The following CYRIA variants were observed in gnomAD, a reference collection of about 807,000 sequenced individuals.
CYRIA encodes the protein CYFIP-related Rac1 interactor A.
Under a neutral mutation model 43.9 loss-of-function variants are expected in CYRIA, and 15 were observed. The ratio of observed to expected loss-of-function variants is 0.34; its 90% CI spans 0.23 to 0.53. The LOEUF (loss-of-function observed/expected upper bound fraction) is 0.53. CYRIA is among the 20% of genes least tolerant of loss of function. CYRIA has a pLI of 0.94. For synonymous variants in CYRIA, 117 were observed against 136.0 expected (o/e 0.86, Z 0.97); for missense variants, 236 against 394.2 (o/e 0.60, Z 3.40).
chr2:16,613,486 T>C (rs1668673133), intron 2 of CYRIA, among the ~76,000 whole-genome samples: 1 of 152,264 alleles, frequency 6.6e-6, no homozygotes, highest in Admixed American at 6.5e-5. Flanking sequence ...CACTCGATGC[T>C]ATGCTAAGCG....
At chr2:16,577,210 AT>A (rs1293179728) in intron 3 of CYRIA, among the ~76,000 whole-genome samples, 1 of 152,172 alleles carries the variant, frequency 6.6e-6, no homozygotes, top group Non-Finnish European at 1.5e-5. Flanking sequence ...AATCCAATAT[AT>A]TTTGTGAATT....
In CYRIA at chr2:16,588,037, T is replaced by A; in HGVS notation, c.70+13A>T. ...GTAAAAAAGTTTCCATTATTATAAT[T>A]TTTGGAACTTACTTTCAAAATCCAG... On this transcript the variant is annotated intron_variant, in intron 3 of 11. Coordinates refer to ENST00000381323, the MANE Select transcript of CYRIA (RefSeq NM_030797.4). The A allele has an allele frequency of 6.4e-7, 1 of 1,562,944 alleles. No individual in the cohort carries two copies.
chr2:16,664,195 C>A (rs1670334189), intron 1 of CYRIA, among the ~76,000 whole-genome samples: 1 of 152,166 alleles, frequency 6.6e-6, no homozygotes, highest in South Asian at 2.1e-4. Context: ...CTTCCCAGAG[C>A]CAGAGCCCAG....
At chr2:16,566,490 T>C (rs549078846) in intron 3 of CYRIA, among the ~76,000 whole-genome samples, 3 of 152,218 alleles carry the variant, frequency 2.0e-5, no homozygotes, top group Admixed American at 2.0e-4. Flanking sequence ...CCTGAACACA[T>C]GGGTATGTAG....
rs75873472 is a variant in CYRIA at position 16,647,712 on chromosome 2, T to C, written c.-167+18068A>G. On this transcript the variant is annotated intron_variant, in intron 1 of 11. Transcript: ENST00000381323. ...CATCTTGGGCTCTCCCCACTTTCTT[T>C]CTCCTCTGCCTTGTACAGTCCACAT... Among the ~76,000 whole-genome samples the C allele has an allele frequency of 5.7e-3, 873 of 152,252 alleles. 7 individuals carry two copies. Among genetic ancestry groups the C allele is most frequent in the African/African-American group, 0.02 (835 of 41,524 alleles).
chr2:16,584,219 A>G (rs1452618172), intron 3 of CYRIA, among the ~76,000 whole-genome samples: 1 of 152,044 alleles, frequency 6.6e-6, no homozygotes, highest in Admixed American at 6.6e-5. Context: ...TTCAAGCTTC[A>G]TTCTTCTTGA....
intron 1 of CYRIA, among the ~76,000 whole-genome samples, chr2:16,659,307 C>T (rs1276230597): frequency 6.6e-6 from 1 of 152,184 alleles, no homozygotes; most frequent in African/African-American, 2.4e-5. Context: ...GTTTCAGATA[C>T]CAGCTATGCC....
chr2:16,621,265 G>A (rs765595417), intron 2 of CYRIA, among the ~76,000 whole-genome samples: 7 of 152,182 alleles, frequency 4.6e-5, no homozygotes, highest in Non-Finnish European at 1.5e-5. Context: ...TGACCTGTGG[G>A]AGGTTCCAGT....
chr2:16,643,578 C>T (rs897053643), intron 1 of CYRIA, among the ~76,000 whole-genome samples: 3 of 152,306 alleles, frequency 2.0e-5, no homozygotes, highest in East Asian at 1.9e-4. Flanking sequence ...ATTGTGTACA[C>T]GTTCCCTCTT....
At chr2:16,578,304 A>G (rs529370490) in intron 3 of CYRIA, among the ~76,000 whole-genome samples, 1 of 152,300 alleles carries the variant, frequency 6.6e-6, no homozygotes, top group Admixed American at 6.5e-5. Flanking sequence ...TATTATTCAC[A>G]TCAGTCATCA....
intron 4 of CYRIA, among the ~76,000 whole-genome samples, chr2:16,564,611 C>T (rs1666862978): frequency 6.6e-6 from 1 of 151,950 alleles, no homozygotes; most frequent in African/African-American, 2.4e-5. Flanking sequence ...AGGATTATGA[C>T]GGTGGTGGTG....
intron 3 of CYRIA, among the ~76,000 whole-genome samples, chr2:16,577,323 TA>T (rs1572473518): frequency 1.3e-5 from 2 of 152,258 alleles, no homozygotes; most frequent in East Asian, 3.9e-4. Context: ...AAAATAATGT[TA>T]ATTTAGATAT....
intron 2 of CYRIA, among the ~76,000 whole-genome samples, chr2:16,590,641 C>G (rs1667898909): frequency 6.6e-6 from 1 of 152,086 alleles, no homozygotes; most frequent in Non-Finnish European, 1.5e-5. Flanking sequence ...GGAATTCTGT[C>G]TCTTCAAAAG....
At chr2:16,583,258 T>C (rs1466288302) in intron 3 of CYRIA, among the ~76,000 whole-genome samples, 1 of 152,204 alleles carries the variant, frequency 6.6e-6, no homozygotes, top group African/African-American at 2.4e-5. Context: ...ATGCAGAGAT[T>C]TGAATCTACC....
intron 2 of CYRIA, among the ~76,000 whole-genome samples, chr2:16,606,958 G>C (rs996249472): frequency 2.0e-5 from 3 of 151,124 alleles, no homozygotes; most frequent in African/African-American, 7.3e-5. Flanking sequence ...TGTTGGTACC[G>C]AAACAAAAAA....
chr2:16,614,132 A>G (rs1330772918), intron 2 of CYRIA, among the ~76,000 whole-genome samples: 3 of 152,244 alleles, frequency 2.0e-5, no homozygotes, highest in African/African-American at 7.2e-5. Flanking sequence ...ACCCCCACTT[A>G]AAATTATATT....
At chr2:16,576,125 A>G (rs780276762) in intron 3 of CYRIA, among the ~76,000 whole-genome samples, 6 of 152,182 alleles carry the variant, frequency 3.9e-5, no homozygotes, top group Admixed American at 6.5e-5. Context: ...TTAAGTGCCA[A>G]TGATGCCAGA....
In CYRIA at chr2:16,648,548, G is replaced by T. The variant is rs147128739; in HGVS notation, c.-167+17232C>A. 1.3e-4 allele frequency among the ~76,000 whole-genome samples: 20 copies of T among 152,332 alleles called. No homozygotes were observed. The East Asian group carries it at 3.5e-3, about 26-fold the overall frequency. ...AATTTCAGCAAAAGGCTTTGTGGAT[G>T]TGATTACACTTGAATTTAAGAAATA... On this transcript the variant is annotated intron_variant, in intron 1 of 11. Coordinates refer to ENST00000381323, the MANE Select transcript of CYRIA (RefSeq NM_030797.4).
chr2:16,554,143 G>A (rs1666418154), intron 11 of CYRIA, among the ~76,000 whole-genome samples: 1 of 152,124 alleles, frequency 6.6e-6, no homozygotes, highest in Non-Finnish European at 1.5e-5. Context: ...AATATGATTA[G>A]AAGTGGAGTA....
Sources: gnomAD v4.1 joint callset for allele counts (sites outside exome capture counted in the v4.1 genomes callset) on GRCh38, gnomAD v4.1.1 for gene constraint, MANE v1.5 for transcripts, NCBI Gene and HGNC (gene_info 2026-07-23, HGNC 2026-07-21) for gene names.